The following SGCZ variants were observed in gnomAD, a reference collection of about 807,000 sequenced individuals.
The protein encoded by SGCZ is sarcoglycan zeta.
In SGCZ, 40 loss-of-function variants were observed where a neutral mutation model predicts 41.3. The observed-to-expected ratio is 0.97, with a 90% CI of 0.75 to 1.26. The LOEUF (loss-of-function observed/expected upper bound fraction) is 1.26. Among genes scored for constraint, SGCZ ranks in the 50% most tolerant of loss-of-function variants. The probability of loss-of-function intolerance (pLI) is 0.00; values close to 1 mark genes in which losing one functional copy is unlikely to be tolerated. For synonymous variants in SGCZ, 206 were observed against 137.5 expected (o/e 1.50, Z -3.49); for missense variants, 552 against 369.8 (o/e 1.49, Z -4.04).
intron 1 of SGCZ, among the ~76,000 whole-genome samples, chr8:14,620,497 C>T (rs1397403711): frequency 1.3e-5 from 2 of 152,088 alleles, no homozygotes; most frequent in East Asian, 1.9e-4. Context: ...TCAGAGTGAA[C>T]AGGCAACCTA....
At chr8:14,599,897 C>T (rs560064989) in intron 1 of SGCZ, among the ~76,000 whole-genome samples, 1 of 152,114 alleles carries the variant, frequency 6.6e-6, no homozygotes, top group South Asian at 2.1e-4. Context: ...TCAGTGGCTG[C>T]CTTATTTCTT....
intron 1 of SGCZ, among the ~76,000 whole-genome samples, chr8:14,637,565 T>G (rs528661262): frequency 1.4e-5 from 2 of 145,796 alleles, no homozygotes; most frequent in African/African-American, 2.5e-5. Flanking sequence ...AGTGAGAACA[T>G]GCAGTATTTG....
chr8:14,172,208 T>C (rs1585199681), intron 4 of SGCZ, among the ~76,000 whole-genome samples: 1 of 152,168 alleles, frequency 6.6e-6, no homozygotes, highest in East Asian at 1.9e-4. Flanking sequence ...TTTTTGTTCA[T>C]GCCCATTTCC....
intron 1 of SGCZ, among the ~76,000 whole-genome samples, chr8:15,164,186 C>T (rs1204597730): frequency 1.3e-5 from 2 of 152,218 alleles, no homozygotes; most frequent in African/African-American, 2.4e-5. Flanking sequence ...AGGAAAAGTC[C>T]TGTAACATTT....
intron 1 of SGCZ, among the ~76,000 whole-genome samples, chr8:14,705,545 T>C (rs939230760): frequency 6.6e-6 from 1 of 151,980 alleles, no homozygotes; most frequent in Admixed American, 6.6e-5. Flanking sequence ...ATTAATCTCA[T>C]CATAGTTTTG....
chr8:14,400,367 T>C (rs1221424838), intron 2 of SGCZ, among the ~76,000 whole-genome samples: 2 of 152,156 alleles, frequency 1.3e-5, no homozygotes, highest in Admixed American at 6.6e-5. Flanking sequence ...TTCTCTTTGG[T>C]AGATAGAACA....
At chr8:14,846,995 C>G (rs1803137194) in intron 1 of SGCZ, among the ~76,000 whole-genome samples, 1 of 152,072 alleles carries the variant, frequency 6.6e-6, no homozygotes, top group African/African-American at 2.4e-5. Context: ...TTGCTTGAAC[C>G]TGGGAGGCGG....
chr8:14,418,339 T>G (rs992780677), intron 2 of SGCZ, among the ~76,000 whole-genome samples: 1 of 151,870 alleles, frequency 6.6e-6, no homozygotes, highest in Non-Finnish European at 1.5e-5. Context: ...GAGTGGCTCC[T>G]TAAAGCATTA....
At chr8:14,843,161 G>A (rs1249245393) in intron 1 of SGCZ, among the ~76,000 whole-genome samples, 1 of 152,126 alleles carries the variant, frequency 6.6e-6, no homozygotes, top group Admixed American at 6.5e-5. Context: ...GCAGTGAGCT[G>A]AGATTGCACC....
At chr8:14,108,262 A>G (rs1434769299) in intron 5 of SGCZ, 27 bp from the exon 6 acceptor site, 5 of 1,600,064 alleles carry the variant, frequency 3.1e-6, no homozygotes, top group Non-Finnish European at 3.4e-6. Context: ...TATAGCAGTC[A>G]GTATAAGCAA....
At chr8:14,277,646 T>C (rs1442694856) in intron 3 of SGCZ, among the ~76,000 whole-genome samples, 1 of 152,150 alleles carries the variant, frequency 6.6e-6, no homozygotes, top group Non-Finnish European at 1.5e-5. Context: ...CAGAGAATGA[T>C]ACCCTGAAGT....
intron 1 of SGCZ, among the ~76,000 whole-genome samples, chr8:15,141,708 C>G (rs1225570474): frequency 1.3e-5 from 2 of 152,124 alleles, no homozygotes; most frequent in African/African-American, 4.8e-5. Context: ...TCAAGAGCAT[C>G]CTGGCTAACA....
chr8:15,209,436 C>G (rs868305832), intron 1 of SGCZ, among the ~76,000 whole-genome samples: 11 of 147,186 alleles, frequency 7.5e-5, no homozygotes, highest in African/African-American at 2.5e-4. Context: ...TTTTTATGGC[C>G]AAGCACAGGA....
At chr8:15,161,969 T>C (rs1032594577) in intron 1 of SGCZ, among the ~76,000 whole-genome samples, 2 of 152,162 alleles carry the variant, frequency 1.3e-5, no homozygotes, top group Non-Finnish European at 2.9e-5. Flanking sequence ...AAGTGGAGGT[T>C]GCAGTGACCC....
chr8:14,947,840 C>T (rs1800504205), intron 1 of SGCZ, among the ~76,000 whole-genome samples: 2 of 152,238 alleles, frequency 1.3e-5, no homozygotes, highest in East Asian at 1.9e-4. Context: ...ATTTAGTTTG[C>T]CTTATAGGCA....
At chr8:15,150,135 C>T (rs114510759) in intron 1 of SGCZ, among the ~76,000 whole-genome samples, 1 of 152,248 alleles carries the variant, frequency 6.6e-6, no homozygotes, top group African/African-American at 2.4e-5. Flanking sequence ...TCATTTCCTT[C>T]TTTACAAATT....
rs572100954 is a variant in SGCZ, at chr8:14,996,646, G to A, written c.39+240939C>T. Among the ~76,000 whole-genome samples, 6 of 152,298 alleles carry A rather than the reference G, an allele frequency of 3.9e-5. No homozygotes were observed. The East Asian group carries it at 1.2e-3, about 29-fold the overall frequency. ...ACTCTACAGTTATAACCAAGAGGCTGTGTATTCTTCCAGTATTCTCTCAAA... is the reference window on the plus strand; with the variant it reads ...ACTCTACAGTTATAACCAAGAGGCTATGTATTCTTCCAGTATTCTCTCAAA... On this transcript the variant is annotated intron_variant, in intron 1 of 7. Coordinates refer to ENST00000382080, the MANE Select transcript of SGCZ (RefSeq NM_139167.4).
At chr8:14,913,338 T>C (rs751010852) in intron 1 of SGCZ, among the ~76,000 whole-genome samples, 10 of 152,044 alleles carry the variant, frequency 6.6e-5, no homozygotes, top group Non-Finnish European at 1.3e-4. Context: ...AGAACAACAC[T>C]GTCTTAATTG....
At chr8:14,741,069 T>C (rs1799185679) in intron 1 of SGCZ, among the ~76,000 whole-genome samples, 1 of 152,052 alleles carries the variant, frequency 6.6e-6, no homozygotes, top group Non-Finnish European at 1.5e-5. Flanking sequence ...GAACAAAGGT[T>C]TTCTTGTAAA....
Sources: gnomAD v4.1 joint callset for allele counts (sites outside exome capture counted in the v4.1 genomes callset) on GRCh38, gnomAD v4.1.1 for gene constraint, MANE v1.5 for transcripts, NCBI Gene and HGNC (gene_info 2026-07-23, HGNC 2026-07-21) for gene names.